The following TDRD10 variants were observed in gnomAD, a reference collection of about 807,000 sequenced individuals.
TDRD10 encodes the protein tudor domain-containing protein 10.
A neutral mutation model predicts 48.0 loss-of-function variants in TDRD10; 40 were observed. The ratio of observed to expected loss-of-function variants is 0.83; its 90% CI spans 0.65 to 1.09. The LOEUF is 1.09. TDRD10 is among the 50% of genes least tolerant of loss of function. TDRD10 has a pLI of 0.00. For missense variants in TDRD10, 378 were observed against 434.7 expected (o/e 0.87, Z 1.16); for synonymous variants, 162 against 170.4 (o/e 0.95, Z 0.38).
At chr1:154,543,865 G>T (rs888210763) in intron 8 of TDRD10, 98 bp from the exon 9 acceptor site, 94 of 1,536,148 alleles carry the variant, frequency 6.1e-5, no homozygotes, top group Non-Finnish European at 5.6e-5. Context: ...CATCCCCCAG[G>T]CAGTTCAGCC....
intron 11 of TDRD10, among the ~76,000 whole-genome samples, chr1:154,546,590 G>A (rs1695601471): frequency 6.6e-6 from 1 of 151,122 alleles, no homozygotes; most frequent in South Asian, 2.1e-4. Context: ...TGGGCAGGGA[G>A]CACCACCCAG....
At chr1:154,515,279 T>C (rs1191204854) in intron 4 of TDRD10, among the ~76,000 whole-genome samples, 1 of 152,056 alleles carries the variant, frequency 6.6e-6, no homozygotes, top group Non-Finnish European at 1.5e-5. Flanking sequence ...ATTACAGGTA[T>C]GAGCCACCGC....
intron 6 of TDRD10, among the ~76,000 whole-genome samples, chr1:154,535,504 AT>A (rs1477102153): frequency 6.6e-6 from 1 of 152,100 alleles, no homozygotes; most frequent in African/African-American, 2.4e-5. Context: ...GTTTGAGAAC[AT>A]CCTGGGCAAC....
In TDRD10 at chr1:154,508,467, C is replaced by T; in HGVS notation, c.127C>T (p.Leu43=). 6.2e-7 allele frequency: 1 copy of T among 1,607,624 alleles called. No homozygotes were observed. Among genetic ancestry groups the T allele is most frequent in the South Asian group, 1.1e-5 (1 of 90,950 alleles). ...AGAGGTGTATGTTGGCAATCTTCCA[C>T]TGGATATTTCTAAGGTATTTATTCT... The part of the protein sequence containing the change: ...ETEVYVGNLP[L]DISKEEILYL... The change falls in exon 4 of 13, where the codon CTG becomes TTG. Residue 43 remains leucine (L), a synonymous_variant. Transcript: ENST00000368482.
chr1:154,539,044 A>T (rs1296650294), intron 6 of TDRD10, among the ~76,000 whole-genome samples: 3 of 152,136 alleles, frequency 2.0e-5, no homozygotes, highest in Admixed American at 1.3e-4. Flanking sequence ...TGCAGATGTG[A>T]ACACCAAGTA....
At chr1:154,524,163 A>G (rs958166200) in intron 6 of TDRD10, among the ~76,000 whole-genome samples, 17 of 151,886 alleles carry the variant, frequency 1.1e-4, no homozygotes, top group African/African-American at 4.1e-4. Context: ...GCCCCTTTAC[A>G]AATAGTTTTC....
chr1:154,542,165 CCT>C (rs2149352073), intron 7 of TDRD10, 99 bp downstream of exon 7: 4 of 1,169,578 alleles, frequency 3.4e-6, no homozygotes, highest in Non-Finnish European at 5.0e-6. Flanking sequence ...AGCTCAGTCC[CCT>C]GATGACCCTT....
chr1:154,535,687 A>T (rs1178328146), intron 6 of TDRD10, among the ~76,000 whole-genome samples: 1 of 152,190 alleles, frequency 6.6e-6, no homozygotes, highest in Non-Finnish European at 1.5e-5. Flanking sequence ...ACTTTTAAAA[A>T]AAGGTTGAAA....
chr1:154,525,035 T>C (rs1694239688), intron 6 of TDRD10, among the ~76,000 whole-genome samples: 1 of 152,244 alleles, frequency 6.6e-6, no homozygotes, highest in South Asian at 2.1e-4. Context: ...TGTTTCCCTT[T>C]GCTGTGGTTT....
At chr1:154,506,617 C>G (rs901740164) in intron 1 of TDRD10, among the ~76,000 whole-genome samples, 2 of 152,216 alleles carry the variant, frequency 1.3e-5, no homozygotes, top group African/African-American at 4.8e-5. Context: ...CTCAGGTGAT[C>G]CACCCGCCTC....
At chr1:154,546,237 C>G (rs909522407) in intron 11 of TDRD10, among the ~76,000 whole-genome samples, 10 of 146,618 alleles carry the variant, frequency 6.8e-5, no homozygotes, top group African/African-American at 2.3e-4. Flanking sequence ...CTACGCCTGG[C>G]TAATTTTTAT....
intron 6 of TDRD10, among the ~76,000 whole-genome samples, chr1:154,541,243 G>T (rs967526430): frequency 1.3e-5 from 2 of 151,370 alleles, no homozygotes; most frequent in Non-Finnish European, 2.9e-5. Flanking sequence ...GAGCGGGAGG[G>T]AGCAGGTCCA....
chr1:154,546,340 G>A (rs916745523), intron 11 of TDRD10, among the ~76,000 whole-genome samples: 19 of 149,086 alleles, frequency 1.3e-4, no homozygotes, highest in African/African-American at 4.7e-4. Context: ...CCAAAGTGTT[G>A]GGATTACAGG....
chr1:154,534,916 A>G (rs999961673), intron 6 of TDRD10, among the ~76,000 whole-genome samples: 1 of 152,234 alleles, frequency 6.6e-6, no homozygotes, highest in Non-Finnish European at 1.5e-5. Context: ...GTTTTCAGAT[A>G]CAAAGCAGCC....
rs1027244627 is a variant in TDRD10, at chr1:154,502,952, G to A, written c.-105G>A. 6.6e-6 allele frequency: 1 copy of A among 152,448 alleles called. No individual in the cohort carries two copies. The highest frequency in any genetic ancestry group is 1.5e-5 in the Non-Finnish European group (1 of 68,226). 9.4% of individuals were successfully genotyped at this position (152,448 alleles called of 1,614,324 possible). On this transcript the variant is annotated 5_prime_UTR_variant, in exon 1 of 13. Transcript: ENST00000368482. ...CCGCCCCGTGCCCCCGGGCTCAGAG[G>A]GGGCGGAGCGCGGAGGGAGAAGGCG...
At chr1:154,531,572 G>A (rs1311449851) in intron 6 of TDRD10, among the ~76,000 whole-genome samples, 1 of 152,168 alleles carries the variant, frequency 6.6e-6, no homozygotes, top group Non-Finnish European at 1.5e-5. Flanking sequence ...GGTCTCGCTG[G>A]CTTCAGGAGT....
rs1031076861 is a variant in TDRD10 at position 154,548,056 on chromosome 1, G to A, written c.*346G>A. On this transcript the variant is annotated 3_prime_UTR_variant, in exon 13 of 13. Transcript: ENST00000368482. ...TGGTCCTAACAGATTCTGGATAATGGAGAAGCCCTCTGCTGGTTTTCCTGG... is the reference window on the plus strand; with the variant it reads ...TGGTCCTAACAGATTCTGGATAATGAAGAAGCCCTCTGCTGGTTTTCCTGG... The A allele has an allele frequency of 3.6e-5, 12 of 333,768 alleles. No homozygotes were observed. Among genetic ancestry groups the A allele is most frequent in the African/African-American group, 2.5e-4 (12 of 47,182 alleles). The allele number at this position is 333,768 out of a possible 1,614,324, so 20.7% of individuals were successfully genotyped here. A position where few individuals can be genotyped will look rare whatever the true frequency, so the allele number is the denominator to read the frequency against.
chr1:154,520,444 A>G (rs1176319936), intron 5 of TDRD10, 70 bp downstream of exon 5: 3 of 1,294,228 alleles, frequency 2.3e-6, no homozygotes, highest in Admixed American at 3.4e-5. Flanking sequence ...TTGCTGATGC[A>G]CTCATGTTGC....
chr1:154,544,246 T>C, intron 9 of TDRD10, 126 bp from the exon 10 acceptor site: 1 of 1,543,850 alleles, frequency 6.5e-7, no homozygotes, highest in Non-Finnish European at 8.8e-7. Context: ...AGTCTCGTTC[T>C]CTCTCCCACC....
Sources: gnomAD v4.1 joint callset for allele counts (sites outside exome capture counted in the v4.1 genomes callset) on GRCh38, gnomAD v4.1.1 for gene constraint, MANE v1.5 for transcripts, NCBI Gene and HGNC (gene_info 2026-07-23, HGNC 2026-07-21) for gene names.